Variants in GRB14 observed in about 807,000 individuals in gnomAD.
GRB14 encodes growth factor receptor bound protein 14.
Under a neutral mutation model 69.1 loss-of-function variants are expected in GRB14, and 38 were observed. The ratio of observed to expected loss-of-function variants is 0.55; its 90% CI spans 0.42 to 0.72. The LOEUF is 0.72. GRB14 is among the 30% of genes least tolerant of loss of function. The pLI, the probability that GRB14 is intolerant of heterozygous loss-of-function variation, is 0.00. For synonymous variants in GRB14, 247 were observed against 241.3 expected, an observed-to-expected ratio of 1.02 and a Z score of -0.22; for missense variants, 666 against 666.1, an observed-to-expected ratio of 1.00 and a Z score of 0.00.
intron 6 of GRB14, 118 bp from the exon 7 acceptor site, chr2:164,508,970 G>T: frequency 2.0e-6 from 1 of 493,764 alleles, no homozygotes; most frequent in Non-Finnish European, 3.3e-6. Flanking sequence ...TCAATATGAT[G>T]CCACAAAAAT....
intron 2 of GRB14, among the ~76,000 whole-genome samples, chr2:164,597,231 T>C (rs531796082): frequency 6.6e-6 from 1 of 152,268 alleles, no homozygotes; most frequent in South Asian, 2.1e-4. Context: ...CCATATACAA[T>C]ATACAAACTA....
chr2:164,594,522 C>T (rs528614669), intron 2 of GRB14, among the ~76,000 whole-genome samples: 1 of 152,124 alleles, frequency 6.6e-6, no homozygotes, highest in African/African-American at 2.4e-5. Flanking sequence ...ATGCTTTCCC[C>T]TATATTCTGT....
intron 2 of GRB14, among the ~76,000 whole-genome samples, chr2:164,583,310 CAAAG>C (rs1689457683): frequency 6.7e-6 from 1 of 148,614 alleles, no homozygotes. Flanking sequence ...AAATTAACCT[CAAAG>C]AAAGAAAAAA....
chr2:164,568,424 TAAAAG>T (rs1689038976), intron 2 of GRB14: 1 of 1,253,314 alleles, frequency 8.0e-7, no homozygotes, highest in Middle Eastern at 2.2e-4. Flanking sequence ...ATGGACAAAA[TAAAAG>T]AAATCTTTTA....
intron 2 of GRB14, among the ~76,000 whole-genome samples, chr2:164,549,510 A>G (rs1688471351): frequency 6.6e-6 from 1 of 152,154 alleles, no homozygotes; most frequent in African/African-American, 2.4e-5. Context: ...AAGGTCATTC[A>G]ATAACTATTT....
chr2:164,509,737 T>C (rs1050070566), intron 6 of GRB14, among the ~76,000 whole-genome samples: 4 of 146,210 alleles, frequency 2.7e-5, no homozygotes, highest in African/African-American at 1.0e-4. Context: ...AATCAGTATC[T>C]GCATTTTAAC....
intron 1 of GRB14, chr2:164,620,078 T>TCC (rs1342589289): frequency 0.012 from 380 of 32,630 alleles, 16 homozygotes; most frequent in Middle Eastern, 0.029. Context: ...CCACCACCCC[T>TCC]CCCCCCCCCA....
At chr2:164,583,730 A>C (rs1689468787) in intron 2 of GRB14, among the ~76,000 whole-genome samples, 1 of 152,224 alleles carries the variant, frequency 6.6e-6, no homozygotes, top group Non-Finnish European at 1.5e-5. Context: ...CAAATAGTAA[A>C]AGAATATAAG....
intron 3 of GRB14, among the ~76,000 whole-genome samples, chr2:164,540,929 A>G (rs923662814): frequency 4.6e-5 from 7 of 152,228 alleles, no homozygotes; most frequent in Non-Finnish European, 1.0e-4. Flanking sequence ...AATCTGTAAA[A>G]TGACAAGTAA....
intron 2 of GRB14, among the ~76,000 whole-genome samples, chr2:164,592,898 A>G (rs1689701031): frequency 6.6e-6 from 1 of 152,148 alleles, no homozygotes; most frequent in African/African-American, 2.4e-5. Flanking sequence ...CCATGCCCTT[A>G]CCTTTCTGAT....
At chr2:164,572,346 G>A (rs1689142482) in intron 2 of GRB14, among the ~76,000 whole-genome samples, 4 of 152,024 alleles carry the variant, frequency 2.6e-5, no homozygotes, top group African/African-American at 9.7e-5. Context: ...CCACCTCTTT[G>A]TTCATAATGT....
At chr2:164,510,924 G>A (rs1440275043) in intron 6 of GRB14, among the ~76,000 whole-genome samples, 2 of 152,166 alleles carry the variant, frequency 1.3e-5, no homozygotes, top group Non-Finnish European at 2.9e-5. Context: ...TCCTTAGCAG[G>A]AGAAAGAATC....
intron 2 of GRB14, among the ~76,000 whole-genome samples, chr2:164,569,194 C>T (rs926564398): frequency 2.0e-5 from 3 of 152,076 alleles, no homozygotes; most frequent in African/African-American, 7.2e-5. Flanking sequence ...ACTGCCAAAA[C>T]TTTCTCAAAA....
At chr2:164,555,252 C>T (rs1336508625) in intron 2 of GRB14, among the ~76,000 whole-genome samples, 1 of 152,146 alleles carries the variant, frequency 6.6e-6, no homozygotes, top group Non-Finnish European at 1.5e-5. Flanking sequence ...GAAATGAATT[C>T]AGCATTGTCA....
rs765278146 is a variant in GRB14 at position 164,493,118 on chromosome 2, A to G, written c.1541T>C (p.Ile514Thr). 1.2e-6 allele frequency: 2 copies of G among 1,613,580 alleles called. No individual in the cohort carries two copies. The highest frequency in any genetic ancestry group is 1.7e-5 in the Admixed American group (1 of 59,990). ...GAGTTGATAGAACTCCACCAGCTGT[A>G]TTAGATCTGTAAATCTTGTGTGGCC... ...DDGHTRFTDL[I>T]QLVEFYQLNK... The change falls in exon 14 of 14, where the codon ATA (isoleucine) becomes ACA (threonine). Residue 514 changes from isoleucine to threonine, a missense_variant. Physicochemically the swap from Ile to Thr is moderately conservative, Grantham distance 89 (BLOSUM62 -1). Transcript: ENST00000263915.
intron 5 of GRB14, among the ~76,000 whole-genome samples, chr2:164,523,821 T>C (rs1687699063): frequency 6.6e-6 from 1 of 152,116 alleles, no homozygotes. Context: ...TTCTTGTTTT[T>C]ATAATTTAAC....
rs547228171 is a variant in GRB14 at position 164,550,653 on chromosome 2, T to C, written c.325-2837A>G. On this transcript the variant is annotated intron_variant, in intron 2 of 13. Transcript: ENST00000263915. ...CTACTTTAAACATCTGAACTAAATA[T>C]GGAAAATGGCTTTAGGCATTACATG... 7.2e-5 allele frequency among the ~76,000 whole-genome samples: 11 copies of C among 152,194 alleles called. No individual in the cohort carries two copies. The East Asian group carries it at 2.1e-3, about 29-fold the overall frequency.
At chr2:164,506,029 C>T (rs1687179501) in intron 8 of GRB14, among the ~76,000 whole-genome samples, 1 of 152,296 alleles carries the variant, frequency 6.6e-6, no homozygotes, top group African/African-American at 2.4e-5. Flanking sequence ...GAAGAACATC[C>T]TCTTTGCAGC....
intron 2 of GRB14, among the ~76,000 whole-genome samples, chr2:164,609,503 A>G (rs1346477377): frequency 6.6e-6 from 1 of 152,212 alleles, no homozygotes; most frequent in African/African-American, 2.4e-5. Flanking sequence ...CACCAGCAGC[A>G]CTAACCTATA....
Sources: gnomAD v4.1 joint callset for allele counts (sites outside exome capture counted in the v4.1 genomes callset) on GRCh38, gnomAD v4.1.1 for gene constraint, MANE v1.5 for transcripts, NCBI Gene and HGNC (gene_info 2026-07-23, HGNC 2026-07-21) for gene names.